DCLK1: variants seen among roughly 807,000 people sequenced by gnomAD.
DCLK1 encodes the protein serine/threonine-protein kinase DCLK1.
Under a neutral mutation model 86.2 loss-of-function variants are expected in DCLK1, and 16 were observed. The observed-to-expected ratio is 0.19, with a 90% confidence interval of 0.13 to 0.28. The LOEUF (loss-of-function observed/expected upper bound fraction) is 0.28, where lower values mean the gene tolerates loss of function less well. DCLK1 is among the 10% of genes least tolerant of loss of function. The probability of loss-of-function intolerance (pLI) is 1.00; values close to 1 mark genes in which losing one functional copy is unlikely to be tolerated. For synonymous variants in DCLK1, 369 were observed against 370.5 expected (o/e 1.00, Z 0.05); for missense variants, 590 against 940.2 (o/e 0.63, Z 4.87).
chr13:36,122,663 G>A (rs1039754899), intron 2 of DCLK1, among the ~76,000 whole-genome samples: 8 of 152,014 alleles, frequency 5.3e-5, no homozygotes, highest in East Asian at 1.9e-4. Context: ...AATCACTTGC[G>A]GAAATAGGCC....
intron 3 of DCLK1, among the ~76,000 whole-genome samples, chr13:35,948,324 T>C (rs1309617785): frequency 6.6e-6 from 1 of 152,208 alleles, no homozygotes; most frequent in African/African-American, 2.4e-5. Flanking sequence ...CTTGGACGAA[T>C]CATAAGATGG....
chr13:36,071,162 G>A (rs1042382270), intron 3 of DCLK1, among the ~76,000 whole-genome samples: 16 of 151,780 alleles, frequency 1.1e-4, no homozygotes, highest in East Asian at 5.8e-4. Context: ...AACATATCTC[G>A]TTACACTGCC....
intron 8 of DCLK1, among the ~76,000 whole-genome samples, chr13:35,832,978 T>C (rs1167279707): frequency 6.6e-6 from 1 of 152,116 alleles, no homozygotes; most frequent in African/African-American, 2.4e-5. Context: ...GGTCGCTTTG[T>C]TGAGGTTATT....
intron 2 of DCLK1, among the ~76,000 whole-genome samples, chr13:36,119,610 G>A (rs1311756971): frequency 6.6e-6 from 1 of 152,150 alleles, no homozygotes; most frequent in African/African-American, 2.4e-5. Context: ...ATGATGTACT[G>A]AGGACAAAAC....
chr13:35,838,072 A>AAAAAAAAAAAAAAAAG (rs1555343219), intron 7 of DCLK1, among the ~76,000 whole-genome samples: 23 of 149,916 alleles, frequency 1.5e-4, no homozygotes, highest in African/African-American at 5.5e-4. Flanking sequence ...TCTCAAAAAA[A>AAAAAAAAAAAAAAAAG]AAAAGAAAAG....
chr13:35,958,111 TCAC>T (rs1239958362), intron 3 of DCLK1, among the ~76,000 whole-genome samples: 1 of 74,702 alleles, frequency 1.3e-5, no homozygotes, highest in South Asian at 4.2e-4. Context: ...ATAACCACCA[TCAC>T]CACCACCACT....
intron 3 of DCLK1, among the ~76,000 whole-genome samples, chr13:35,988,871 A>G (rs1279618021): frequency 6.6e-6 from 1 of 152,142 alleles, no homozygotes; most frequent in Non-Finnish European, 1.5e-5. Context: ...TGCAGCCCAG[A>G]ACGTTTCAGG....
At chr13:35,847,544 T>A in intron 6 of DCLK1, 1 of 983,358 alleles carries the variant, frequency 1.0e-6, no homozygotes. Flanking sequence ...TATGTGGAAT[T>A]TTCAGGAATA....
At chr13:35,967,584 G>A (rs1297257852) in intron 3 of DCLK1, among the ~76,000 whole-genome samples, 1 of 152,142 alleles carries the variant, frequency 6.6e-6, no homozygotes, top group Non-Finnish European at 1.5e-5. Context: ...AATGGATTAA[G>A]GGTGGTGCAA....
At chr13:36,002,100 T>C (rs61948277) in intron 3 of DCLK1, among the ~76,000 whole-genome samples, 55,045 of 152,054 alleles carry the variant, frequency 0.36, 11,107 homozygotes, top group Non-Finnish European at 0.44. Flanking sequence ...AAATAGCCAA[T>C]TTTTATCCTG....
chr13:35,902,275 A>G (rs538994635), intron 4 of DCLK1, among the ~76,000 whole-genome samples: 6 of 152,196 alleles, frequency 3.9e-5, no homozygotes, highest in African/African-American at 9.6e-5. Flanking sequence ...CAAGGCTTCA[A>G]TCATGACACC....
intron 4 of DCLK1, among the ~76,000 whole-genome samples, chr13:35,879,330 G>C (rs570747549): frequency 6.6e-6 from 1 of 152,112 alleles, no homozygotes; most frequent in African/African-American, 2.4e-5. Context: ...CCACCTGCAC[G>C]GGGCTCTAGA....
chr13:36,069,674 C>T lies in DCLK1; in HGVS notation c.723+42195G>A, dbSNP rs567880983. On this transcript the variant is annotated intron_variant, in intron 3 of 16. Transcript: ENST00000360631. ...CACCTCTTCCCACCTGGATCCTTGC[C>T]TTCACTCAGGTTGTGTCACAACATC... Among the ~76,000 whole-genome samples the T allele has an allele frequency of 5.1e-4, 78 of 152,254 alleles. 1 individual carries two copies. The South Asian group carries it at 0.016, about 31-fold the overall frequency.
At chr13:36,055,235 C>T (rs534534466) in intron 3 of DCLK1, among the ~76,000 whole-genome samples, 31 of 152,060 alleles carry the variant, frequency 2.0e-4, no homozygotes, top group Non-Finnish European at 4.6e-4. Flanking sequence ...ACTTGATTTT[C>T]GACATACCAA....
At chr13:35,986,834 G>A (rs1879940476) in intron 3 of DCLK1, among the ~76,000 whole-genome samples, 1 of 152,118 alleles carries the variant, frequency 6.6e-6, no homozygotes, top group African/African-American at 2.4e-5. Flanking sequence ...TTTCAGGGGT[G>A]ATGATGCGCG....
At chr13:35,976,503 C>T (rs1879339346) in intron 3 of DCLK1, among the ~76,000 whole-genome samples, 1 of 148,620 alleles carries the variant, frequency 6.7e-6, no homozygotes, top group Non-Finnish European at 1.5e-5. Context: ...AAAGGTCCTC[C>T]CAGCACTTCA....
intron 2 of DCLK1, among the ~76,000 whole-genome samples, chr13:36,116,852 T>G (rs996831810): frequency 6.6e-6 from 1 of 152,224 alleles, no homozygotes; most frequent in Non-Finnish European, 1.5e-5. Context: ...TTAAATTACA[T>G]GAAATATTGT....
chr13:36,005,405 A>G (rs1173596969), intron 3 of DCLK1, among the ~76,000 whole-genome samples: 1 of 152,264 alleles, frequency 6.6e-6, no homozygotes, highest in Non-Finnish European at 1.5e-5. Flanking sequence ...GCAAATGTTA[A>G]CAATGTGATG....
intron 4 of DCLK1, among the ~76,000 whole-genome samples, chr13:35,922,469 T>C (rs1335300050): frequency 6.6e-6 from 1 of 152,186 alleles, no homozygotes; most frequent in Non-Finnish European, 1.5e-5. Context: ...CATAGAGCAT[T>C]GGCGGACAGT....
Sources: allele counts gnomAD v4.1 joint callset (sites outside exome capture counted in the v4.1 genomes callset), GRCh38; gene constraint gnomAD v4.1.1; transcripts MANE v1.5; gene names NCBI Gene and HGNC (gene_info 2026-07-23, HGNC 2026-07-21).